The following C8orf34 variants were observed in gnomAD, a reference collection of about 807,000 sequenced individuals.
The protein encoded by C8orf34 is chromosome 8 open reading frame 34.
C8orf34 carries 65 observed loss-of-function variants against 68.3 expected under a neutral mutation model. The observed-to-expected ratio is 0.95, with a 90% confidence interval of 0.78 to 1.17. The LOEUF is 1.17. C8orf34 is among the 50% of genes most tolerant of loss of function. The probability of loss-of-function intolerance (pLI) is 0.00; values close to 1 mark genes in which losing one functional copy is unlikely to be tolerated. For missense variants in C8orf34, 664 were observed against 655.4 expected, an observed-to-expected ratio of 1.01 and a Z score of -0.14; for synonymous variants, 244 against 241.2, an observed-to-expected ratio of 1.01 and a Z score of -0.11.
At chr8:68,527,381 G>T (rs11778184) in intron 6 of C8orf34, among the ~76,000 whole-genome samples, 76,239 of 151,806 alleles carry the variant, frequency 0.5, 19,176 homozygotes, top group Non-Finnish European at 0.52. Context: ...AACCATCCTG[G>T]CTAACACGGT....
intron 5 of C8orf34, among the ~76,000 whole-genome samples, chr8:68,493,494 G>C (rs1482234793): frequency 6.6e-6 from 1 of 152,198 alleles, no homozygotes; most frequent in East Asian, 1.9e-4. Context: ...AAGTGTTTGT[G>C]AGGATATGGA....
chr8:68,765,171 T>G (rs1373272608), intron 10 of C8orf34, among the ~76,000 whole-genome samples: 2 of 152,244 alleles, frequency 1.3e-5, no homozygotes, highest in African/African-American at 4.8e-5. Flanking sequence ...TAGACAGTAT[T>G]TCATTTCATT....
intron 7 of C8orf34, among the ~76,000 whole-genome samples, chr8:68,552,223 A>G (rs1032241540): frequency 1.3e-5 from 2 of 152,192 alleles, no homozygotes; most frequent in Non-Finnish European, 2.9e-5. Flanking sequence ...TTTAGAGTCA[A>G]CTTAACTTCC....
At chr8:68,540,517 C>T (rs1815657513) in intron 7 of C8orf34, among the ~76,000 whole-genome samples, 1 of 151,754 alleles carries the variant, frequency 6.6e-6, no homozygotes, top group Non-Finnish European at 1.5e-5. Flanking sequence ...TTTTTGATTA[C>T]AGACATTTTG....
intron 7 of C8orf34, chr8:68,535,057 G>A: frequency 1.0e-6 from 1 of 985,406 alleles, no homozygotes; most frequent in Non-Finnish European, 1.2e-6. Context: ...TCTAGGTCAT[G>A]AGATTATCCT....
At chr8:68,667,584 C>T (rs565625143) in intron 8 of C8orf34, among the ~76,000 whole-genome samples, 27 of 152,272 alleles carry the variant, frequency 1.8e-4, no homozygotes, top group African/African-American at 6.3e-4. Flanking sequence ...AGAAATAAGA[C>T]TTCATCTAAG....
intron 1 of C8orf34, among the ~76,000 whole-genome samples, chr8:68,399,269 C>CA (rs1434520256): frequency 6.6e-6 from 1 of 152,074 alleles, no homozygotes; most frequent in Non-Finnish European, 1.5e-5. Flanking sequence ...ACCAGAACAG[C>CA]ATACATTGCA....
chr8:68,675,313 G>C (rs1416404943), intron 8 of C8orf34, among the ~76,000 whole-genome samples: 4 of 152,042 alleles, frequency 2.6e-5, no homozygotes, highest in Non-Finnish European at 5.9e-5. Context: ...TTCATATCTT[G>C]AGTAGAAAAA....
At chr8:68,705,125 G>A (rs1274156907) in intron 8 of C8orf34, among the ~76,000 whole-genome samples, 2 of 152,166 alleles carry the variant, frequency 1.3e-5, no homozygotes, top group Non-Finnish European at 2.9e-5. Context: ...CGGAAGATGA[G>A]TTTGCTTTTG....
At chr8:68,649,070 G>A (rs1819265578) in intron 8 of C8orf34, among the ~76,000 whole-genome samples, 1 of 152,054 alleles carries the variant, frequency 6.6e-6, no homozygotes, top group African/African-American at 2.4e-5. Context: ...CTTCCCATGG[G>A]AAGGAATGGT....
intron 7 of C8orf34, among the ~76,000 whole-genome samples, chr8:68,587,442 A>G (rs1189445454): frequency 6.6e-6 from 1 of 152,114 alleles, no homozygotes; most frequent in Non-Finnish European, 1.5e-5. Context: ...ATTTCAATCT[A>G]GACCTCAAGT....
At chr8:68,557,013 A>G (rs1195967541) in intron 7 of C8orf34, among the ~76,000 whole-genome samples, 1 of 152,184 alleles carries the variant, frequency 6.6e-6, no homozygotes, top group African/African-American at 2.4e-5. Flanking sequence ...ACAGACCATC[A>G]TTTCTACCAT....
chr8:68,391,144 T>C (rs1482370938), intron 1 of C8orf34, among the ~76,000 whole-genome samples: 1 of 152,148 alleles, frequency 6.6e-6, no homozygotes, highest in African/African-American at 2.4e-5. Context: ...ATATTAATCA[T>C]AGCTGGTATT....
chr8:68,421,091 A>T (rs1809948073), intron 1 of C8orf34, among the ~76,000 whole-genome samples: 1 of 152,168 alleles, frequency 6.6e-6, no homozygotes, highest in Non-Finnish European at 1.5e-5. Flanking sequence ...AACTTAAAAA[A>T]ACCACATGTA....
At chr8:68,632,625 G>A (rs1469833220) in intron 7 of C8orf34, among the ~76,000 whole-genome samples, 2 of 152,080 alleles carry the variant, frequency 1.3e-5, no homozygotes, top group African/African-American at 2.4e-5. Context: ...CCCTCCCATC[G>A]CAAGCCTGGC....
At chr8:68,521,152 T>A (rs930096776) in intron 5 of C8orf34, among the ~76,000 whole-genome samples, 2 of 152,232 alleles carry the variant, frequency 1.3e-5, no homozygotes, top group Admixed American at 1.3e-4. Context: ...GTATTGCTTT[T>A]TAACTTGCCC....
At chr8:68,533,981 A>G (rs1815358567) in intron 7 of C8orf34, 1 of 879,632 alleles carries the variant, frequency 1.1e-6, no homozygotes, top group Admixed American at 6.2e-5. Flanking sequence ...TAATATAATT[A>G]TTTGAAAGCC....
rs1468119595 is a variant in C8orf34 at position 68,364,776 on chromosome 8, GC to G, written c.327+33440del. 8.3e-4 allele frequency among the ~76,000 whole-genome samples: 121 copies of G among 146,550 alleles called. 1 individual carries two copies. The highest frequency in any genetic ancestry group is 1.1e-3 in the Admixed American group (16 of 14,714). On this transcript the variant is annotated intron_variant, in intron 1 of 13. Coordinates refer to ENST00000518698, the MANE Select transcript of C8orf34 (RefSeq NM_052958.4). ...TAGAGGGAAATTTATAGCACTAAAT[GC>G]CCACAAGAGAAAGCAGGAAAGATCC...
intron 8 of C8orf34, among the ~76,000 whole-genome samples, chr8:68,676,028 T>A (rs1384807042): frequency 6.6e-6 from 1 of 152,030 alleles, no homozygotes; most frequent in African/African-American, 2.4e-5. Context: ...CAAGAGGATA[T>A]AACAATTGTA....
Sources: allele counts gnomAD v4.1 joint callset (sites outside exome capture counted in the v4.1 genomes callset), GRCh38; gene constraint gnomAD v4.1.1; transcripts MANE v1.5; gene names NCBI Gene and HGNC (gene_info 2026-07-23, HGNC 2026-07-21).